RBFOX1: variants seen among roughly 807,000 people sequenced by gnomAD.
RBFOX1 encodes RNA binding protein fox-1 homolog 1.
RBFOX1 carries 8 observed loss-of-function variants against 57.7 expected under a neutral mutation model. That is an observed-to-expected ratio of 0.14 (90% CI 0.08 to 0.25). The LOEUF (loss-of-function observed/expected upper bound fraction) is 0.25. Ranked by LOEUF, RBFOX1 falls within the 10% of genes least tolerant of loss-of-function variation. RBFOX1 has a pLI of 1.00. For synonymous variants in RBFOX1, 326 were observed against 222.4 expected (o/e 1.47, Z -4.15); for missense variants, 611 against 548.5 (o/e 1.11, Z -1.14).
intron 1 of RBFOX1, among the ~76,000 whole-genome samples, chr16:6,210,358 C>CAAAAAAAAA (rs1567684381): frequency 3.1e-5 from 3 of 96,682 alleles, no homozygotes; most frequent in South Asian, 4.2e-4. Flanking sequence ...AAAAAAAAAA[C>CAAAAAAAAA]ACCAAAAAAA....
intron 2 of RBFOX1, among the ~76,000 whole-genome samples, chr16:5,505,102 G>A (rs985511486): frequency 6.6e-6 from 1 of 152,188 alleles, no homozygotes; most frequent in African/African-American, 2.4e-5. Flanking sequence ...TTTCAGTGGG[G>A]GAATTGTGCA....
chr16:5,276,352 A>G (rs955036252), intron 1 of RBFOX1, among the ~76,000 whole-genome samples: 2 of 152,302 alleles, frequency 1.3e-5, no homozygotes, highest in Non-Finnish European at 2.9e-5. Flanking sequence ...ATCCCATCAA[A>G]AAGTGTGCCA....
intron 3 of RBFOX1, among the ~76,000 whole-genome samples, chr16:5,627,315 A>T (rs1483301113): frequency 6.6e-6 from 1 of 152,216 alleles, no homozygotes; most frequent in East Asian, 1.9e-4. Context: ...AAATAAATAG[A>T]ACAAAAGGTA....
intron 1 of RBFOX1, among the ~76,000 whole-genome samples, chr16:6,076,619 C>T (rs2095905606): frequency 6.7e-6 from 1 of 148,520 alleles, no homozygotes; most frequent in Non-Finnish European, 1.5e-5. Flanking sequence ...AGCCTTAGGA[C>T]TCTTAACCTG....
At position 6,006,567 on chromosome 16, in the gene RBFOX1, C is replaced by G. The variant is rs568583256; in HGVS notation, c.351+139232C>G. ...GTCCTCACTGATGAAGCATTTGGCT[C>G]CAGCATTGCCTAAAGCCAGTTTTCC... is the stretch of plus-strand genomic sequence containing the variant. On this transcript the variant is annotated intron_variant, in intron 4 of 19. Transcript: ENST00000641259. Among the ~76,000 whole-genome samples the G allele has an allele frequency of 1.9e-4, 29 of 152,222 alleles. No individual in the cohort carries two copies. The South Asian group carries it at 4.4e-3, about 23-fold the overall frequency.
chr16:5,700,442 C>T (rs1324493760), intron 3 of RBFOX1, among the ~76,000 whole-genome samples: 1 of 152,154 alleles, frequency 6.6e-6, no homozygotes, highest in Non-Finnish European at 1.5e-5. Context: ...TCTATTGGCT[C>T]ACGTTCCTCA....
intron 3 of RBFOX1, among the ~76,000 whole-genome samples, chr16:7,001,424 G>C (rs546023889): frequency 0.068 from 5,866 of 85,678 alleles, 213 homozygotes; most frequent in African/African-American, 0.16. Flanking sequence ...ATATGTATAT[G>C]TATATGTATA....
intron 3 of RBFOX1, among the ~76,000 whole-genome samples, chr16:5,794,319 C>CT (rs57571951): frequency 0.45 from 68,230 of 151,584 alleles, 15,544 homozygotes; most frequent in East Asian, 0.47. Context: ...CCTTCACCTC[C>CT]TTTTTTTCCT....
chr16:5,633,891 G>T (rs920319418), intron 3 of RBFOX1, among the ~76,000 whole-genome samples: 1 of 151,456 alleles, frequency 6.6e-6, no homozygotes, highest in Non-Finnish European at 1.5e-5. Flanking sequence ...TACATAGACA[G>T]TTCTCAAAAG....
At chr16:6,289,746 C>T (rs563331244) in intron 1 of RBFOX1, among the ~76,000 whole-genome samples, 1 of 152,142 alleles carries the variant, frequency 6.6e-6, no homozygotes, top group Admixed American at 6.5e-5. Flanking sequence ...AAATGCCTTC[C>T]CAGGCAATTT....
chr16:7,273,074 C>T (rs2095360919), intron 4 of RBFOX1, among the ~76,000 whole-genome samples: 2 of 118,244 alleles, frequency 1.7e-5, no homozygotes, highest in African/African-American at 3.5e-5. Flanking sequence ...CTCCCTCCTT[C>T]CATCCTTCCG....
intron 4 of RBFOX1, among the ~76,000 whole-genome samples, chr16:7,211,544 T>C (rs911072025): frequency 3.9e-5 from 6 of 152,104 alleles, no homozygotes; most frequent in African/African-American, 1.2e-4. Flanking sequence ...GTATTTTTCA[T>C]GTAAAGCAAA....
chr16:6,386,740 G>A (rs1334440986), intron 2 of RBFOX1, among the ~76,000 whole-genome samples: 1 of 152,172 alleles, frequency 6.6e-6, no homozygotes, highest in Non-Finnish European at 1.5e-5. Context: ...TACGGTAAAT[G>A]GAATAGTTTA....
At chr16:6,761,465 C>T (rs915545937) in intron 3 of RBFOX1, among the ~76,000 whole-genome samples, 1 of 146,770 alleles carries the variant, frequency 6.8e-6, no homozygotes, top group Non-Finnish European at 1.5e-5. Flanking sequence ...TTTAAACATA[C>T]ACTCCAGGTA....
In RBFOX1 at chr16:7,169,100, CAG is replaced by C. The variant is rs553131135; in HGVS notation, c.27+117003_27+117004del. On this transcript the variant is annotated intron_variant, in intron 4 of 15. Coordinates refer to ENST00000550418, the MANE Select transcript of RBFOX1 (RefSeq NM_018723.4). The stretch of plus-strand genomic sequence containing the variant: ...GAAGTAGGCAAATCATTCAGTGTCT[CAG>C]GGCAGGAAAAATGTGAAGTTCTCAC... Among the ~76,000 whole-genome samples, 11 of 152,252 alleles carry C rather than the reference CAG, an allele frequency of 7.2e-5. No homozygotes were observed. In the South Asian group the frequency reaches 2.3e-3, roughly 32 times the overall value.
intron 1 of RBFOX1, among the ~76,000 whole-genome samples, chr16:5,344,770 A>G (rs78994843): frequency 0.018 from 2,690 of 152,302 alleles, 81 homozygotes; most frequent in African/African-American, 0.06. Flanking sequence ...AGTAAACAAA[A>G]TTATCCAACG....
intron 3 of RBFOX1, among the ~76,000 whole-genome samples, chr16:5,741,225 T>G (rs1157727949): frequency 1.3e-5 from 2 of 152,110 alleles, no homozygotes; most frequent in African/African-American, 4.8e-5. Context: ...GGCTGCCACG[T>G]CATTCCAAAC....
At chr16:7,205,762 A>T (rs756216182) in intron 4 of RBFOX1, among the ~76,000 whole-genome samples, 2 of 152,232 alleles carry the variant, frequency 1.3e-5, no homozygotes, top group Non-Finnish European at 2.9e-5. Flanking sequence ...TGAAAAGGGC[A>T]AAAGTGAGTG....
chr16:6,935,554 C>G (rs1022365738), intron 3 of RBFOX1, among the ~76,000 whole-genome samples: 1 of 152,138 alleles, frequency 6.6e-6, no homozygotes, highest in Non-Finnish European at 1.5e-5. Flanking sequence ...GTATTTGCAG[C>G]CAAGATCTGT....
Sources: allele counts gnomAD v4.1 joint callset (sites outside exome capture counted in the v4.1 genomes callset), GRCh38; gene constraint gnomAD v4.1.1; transcripts MANE v1.5; gene names NCBI Gene and HGNC (gene_info 2026-07-23, HGNC 2026-07-21).